The following RBPMS variants were observed in gnomAD, a reference collection of about 807,000 sequenced individuals.
RBPMS encodes the protein RNA binding protein, mRNA processing factor, also known as RNA-binding protein with multiple splicing.
Under a neutral mutation model 26.8 loss-of-function variants are expected in RBPMS, and 7 were observed. The observed-to-expected ratio is 0.26, with a 90% CI of 0.15 to 0.49. The LOEUF (loss-of-function observed/expected upper bound fraction) is 0.49, where lower values mean the gene tolerates loss of function less well. Ranked by LOEUF, RBPMS falls within the 20% of genes least tolerant of loss-of-function variation. The pLI is 0.98. For missense variants in RBPMS, 186 were observed against 250.0 expected (o/e 0.74, Z 1.73); for synonymous variants, 96 against 93.3 (o/e 1.03, Z -0.17).
chr8:30,388,635 G>C (rs562805728), intron 1 of RBPMS, among the ~76,000 whole-genome samples: 15 of 148,196 alleles, frequency 1.0e-4, no homozygotes, highest in African/African-American at 3.3e-4. Context: ...TATAGCTATA[G>C]CTATAAAGCT....
intron 4 of RBPMS, among the ~76,000 whole-genome samples, chr8:30,482,069 T>G (rs1329821592): frequency 6.6e-6 from 1 of 152,238 alleles, no homozygotes; most frequent in East Asian, 1.9e-4. Flanking sequence ...CAGGACAAAT[T>G]GCCACCATAA....
chr8:30,468,050 G>A (rs1327528390), intron 1 of RBPMS, among the ~76,000 whole-genome samples: 1 of 151,876 alleles, frequency 6.6e-6, no homozygotes, highest in East Asian at 1.9e-4. Context: ...GTGGGAATAT[G>A]GGCAGTTCCT....
intron 5 of RBPMS, among the ~76,000 whole-genome samples, chr8:30,539,562 G>T (rs539674763): frequency 6.7e-6 from 1 of 149,686 alleles, no homozygotes; most frequent in Non-Finnish European, 1.5e-5. Context: ...ATATTTTTTC[G>T]TCATTCATTT....
intron 6 of RBPMS, among the ~76,000 whole-genome samples, chr8:30,548,534 C>A (rs1826044626): frequency 6.6e-6 from 1 of 152,222 alleles, no homozygotes; most frequent in South Asian, 2.1e-4. Context: ...TGCTGTACAG[C>A]TTACCTGGAC....
chr8:30,532,654 C>T (rs535785332), intron 5 of RBPMS, among the ~76,000 whole-genome samples: 2 of 152,292 alleles, frequency 1.3e-5, no homozygotes, highest in East Asian at 1.9e-4. Flanking sequence ...CATACGCATA[C>T]ATTCTGGAAT....
intron 5 of RBPMS, among the ~76,000 whole-genome samples, chr8:30,510,222 T>G (rs1821444525): frequency 6.6e-6 from 1 of 152,216 alleles, no homozygotes; most frequent in Non-Finnish European, 1.5e-5. Flanking sequence ...AAGTCTCTCT[T>G]AACTCTGATG....
intron 5 of RBPMS, among the ~76,000 whole-genome samples, chr8:30,534,067 G>A (rs1464689040): frequency 1.3e-5 from 2 of 151,910 alleles, no homozygotes; most frequent in Non-Finnish European, 2.9e-5. Flanking sequence ...CTGGGAGGCG[G>A]AGGTTGCAGT....
intron 4 of RBPMS, 57 bp downstream of exon 4, chr8:30,479,434 G>A: frequency 2.4e-6 from 3 of 1,250,162 alleles, no homozygotes; most frequent in Admixed American, 1.8e-5. Flanking sequence ...GGGAAGTAAT[G>A]GAATCTCTTT....
At position 30,384,965 on chromosome 8, in the gene RBPMS, C is replaced by T. The variant is rs1392180581; in HGVS notation, c.-128C>T. On this transcript the variant is annotated 5_prime_UTR_variant, in exon 1 of 9. Coordinates refer to ENST00000397323, the MANE Select transcript of RBPMS (RefSeq NM_001008710.3). This position sits in a 1 kb window ranked among gnomAD's most constrained non-coding sequence, Gnocchi z 5.6. Reference sequence around the variant, plus strand: ...ACAGCCACTGCCCCGGCTCCAGCTCCAGCCCCACAGCCCGCGGCGCCCGCC... The same window carrying T: ...ACAGCCACTGCCCCGGCTCCAGCTCTAGCCCCACAGCCCGCGGCGCCCGCC... 3.5e-6 allele frequency: 2 copies of T among 565,520 alleles called. No homozygotes were observed. Among genetic ancestry groups the T allele is most frequent in the Non-Finnish European group, 5.5e-6 (2 of 363,372 alleles). 35.0% of individuals were successfully genotyped at this position (565,520 alleles called of 1,614,324 possible).
chr8:30,555,909 C>T (rs897014884), intron 6 of RBPMS: 12 of 985,452 alleles, frequency 1.2e-5, no homozygotes, highest in Non-Finnish European at 1.4e-5. Flanking sequence ...AGCTTGTTCC[C>T]CCCCACCGGG....
intron 5 of RBPMS, among the ~76,000 whole-genome samples, chr8:30,509,295 C>T (rs891979397): frequency 3.9e-5 from 6 of 152,116 alleles, no homozygotes; most frequent in African/African-American, 1.4e-4. Flanking sequence ...AAAGCTTGCT[C>T]TGTTAAATTA....
At chr8:30,455,740 A>T (rs1815123030) in intron 1 of RBPMS, among the ~76,000 whole-genome samples, 1 of 152,076 alleles carries the variant, frequency 6.6e-6, no homozygotes. Flanking sequence ...ATACAAAAAA[A>T]TTAGCCAGGC....
At position 30,555,912 on chromosome 8, in the gene RBPMS, C is replaced by T. The variant is rs28642702; in HGVS notation, c.529-2975C>T. On this transcript the variant is annotated intron_variant, in intron 6 of 8. Coordinates refer to ENST00000397323, the MANE Select transcript of RBPMS (RefSeq NM_001008710.3). ...TTAGCGCGGAGCAGCTTGTTCCCCC[C>T]CACCGGGCCGGCTGCCCGAACTCTG... The T allele has an allele frequency of 6.3e-3, 6,193 of 984,796 alleles. 312 individuals are homozygous for T. In the African/African-American group the frequency reaches 0.1, roughly 16 times the overall value. The allele number at this position is 984,796 out of a possible 1,614,324, so 61.0% of individuals were successfully genotyped here.
At chr8:30,435,258 G>A (rs1812332292) in intron 1 of RBPMS, among the ~76,000 whole-genome samples, 1 of 152,126 alleles carries the variant, frequency 6.6e-6, no homozygotes, top group African/African-American at 2.4e-5. Context: ...TATGTGTAAC[G>A]TATGTGAATT....
At chr8:30,429,078 A>G (rs1198168629) in intron 1 of RBPMS, among the ~76,000 whole-genome samples, 2 of 152,216 alleles carry the variant, frequency 1.3e-5, no homozygotes, top group Non-Finnish European at 1.5e-5. Flanking sequence ...TAGGCAGGAT[A>G]GAAGTATCCT....
At chr8:30,556,854 C>G in intron 6 of RBPMS, 1 of 867,150 alleles carries the variant, frequency 1.2e-6, no homozygotes, top group Non-Finnish European at 1.4e-6. Context: ...CTAGACTCTT[C>G]TGTCCCCTTC....
At position 30,558,975 on chromosome 8, in the gene RBPMS, T is replaced by G; in HGVS notation, c.*7+19T>G. On this transcript the variant is annotated intron_variant, in intron 7 of 8. Transcript: ENST00000397323. ...ATACTATGTAAGTACTCGCTTTCCT[T>G]TGGAATGTGCGAAGCCCCTAGAACA... 6.2e-7 allele frequency: 1 copy of G among 1,609,064 alleles called. No homozygotes were observed. The highest frequency in any genetic ancestry group is 8.5e-7 in the Non-Finnish European group (1 of 1,175,716).
intron 1 of RBPMS, among the ~76,000 whole-genome samples, chr8:30,437,819 G>A (rs569376819): frequency 7.0e-5 from 10 of 143,726 alleles, no homozygotes; most frequent in South Asian, 2.2e-4. Flanking sequence ...GTAGCCGAGC[G>A]TGGTGGGCAC....
intron 1 of RBPMS, among the ~76,000 whole-genome samples, chr8:30,393,140 T>C (rs1040182191): frequency 2.0e-5 from 3 of 152,158 alleles, no homozygotes; most frequent in Non-Finnish European, 4.4e-5. Context: ...TAAAAATGTA[T>C]TACATATAAT....
Sources: allele counts gnomAD v4.1 joint callset (sites outside exome capture counted in the v4.1 genomes callset), GRCh38; gene constraint gnomAD v4.1.1; non-coding constraint Gnocchi (gnomAD v3.1); transcripts MANE v1.5; gene names NCBI Gene and HGNC (gene_info 2026-07-23, HGNC 2026-07-21).